MPZL3: variants seen among roughly 807,000 people sequenced by gnomAD.
The protein encoded by MPZL3 is myelin protein zero like 3, also known as myelin protein zero-like protein 3.
A neutral mutation model predicts 24.8 loss-of-function variants in MPZL3; 23 were observed. That is an observed-to-expected ratio of 0.93 (90% confidence interval 0.67 to 1.31). MPZL3 has a LOEUF of 1.31. Among genes scored for constraint, MPZL3 ranks in the 40% most tolerant of loss-of-function variants. MPZL3 has a pLI of 0.00. For synonymous variants in MPZL3, 99 were observed against 106.5 expected (o/e 0.93, Z 0.44); for missense variants, 277 against 294.9 (o/e 0.94, Z 0.44).
intron 2 of MPZL3, among the ~76,000 whole-genome samples, chr11:118,239,086 T>C (rs996821536): frequency 2.6e-5 from 4 of 152,216 alleles, no homozygotes; most frequent in African/African-American, 9.6e-5. Context: ...AGTTTGTTGA[T>C]TTTCTGACCA....
intron 1 of MPZL3, among the ~76,000 whole-genome samples, chr11:118,247,314 T>C (rs1306950543): frequency 6.6e-6 from 1 of 152,170 alleles, no homozygotes; most frequent in African/African-American, 2.4e-5. Flanking sequence ...GACTCAGATT[T>C]ACCTAAACCA....
chr11:118,230,016 G>T, intron 5 of MPZL3, 96 bp from the exon 6 acceptor site: 1 of 1,127,668 alleles, frequency 8.9e-7, no homozygotes, highest in Non-Finnish European at 1.3e-6. Flanking sequence ...AACCTGGCTT[G>T]GGGAGACAGC....
rs755299141 is a variant in MPZL3, at chr11:118,252,289, C to T, written c.6G>A (p.Gln2=). The stretch of plus-strand genomic sequence containing the variant: ...CACGGCTTCCAGCTGCTCCTCTCTG[C>T]TGCATCCCGGCAGCTCTTCAGATGC... The part of the protein sequence containing the change: M[Q]QRGAAGSRGC... Residue 2 remains glutamine (Q), a synonymous_variant, in exon 1 of 6, where the codon CAG becomes CAA. Coordinates refer to ENST00000278949, the MANE Select transcript of MPZL3 (RefSeq NM_198275.3). The T allele has an allele frequency of 1.1e-5, 18 of 1,613,870 alleles. No individual in the cohort carries two copies. In the Admixed American group the frequency reaches 2.8e-4, roughly 25 times the overall value.
At chr11:118,236,659 A>G (rs902981579) in intron 3 of MPZL3, among the ~76,000 whole-genome samples, 3 of 152,204 alleles carry the variant, frequency 2.0e-5, no homozygotes, top group Non-Finnish European at 2.9e-5. Flanking sequence ...TACCCTTTCA[A>G]GACACAGGCA....
chr11:118,236,058 A>G (rs933238045), intron 3 of MPZL3, among the ~76,000 whole-genome samples: 2 of 152,210 alleles, frequency 1.3e-5, no homozygotes, highest in Non-Finnish European at 1.5e-5. Context: ...TCACATTAGG[A>G]TAGCCAGGCT....
At chr11:118,235,349 G>A in intron 4 of MPZL3, 75 bp downstream of exon 4, 2 of 1,478,998 alleles carry the variant, frequency 1.4e-6, no homozygotes, top group Non-Finnish European at 1.8e-6. Context: ...AAGAAAGGAA[G>A]GTGTGGATGT....
At chr11:118,240,428 T>C (rs769173985) in intron 1 of MPZL3, 51 bp from the exon 2 acceptor site, 1 of 1,531,870 alleles carries the variant, frequency 6.5e-7, no homozygotes, top group Non-Finnish European at 8.8e-7. Context: ...GGGTGGAATA[T>C]ACAGATGTGA....
At position 118,237,244 on chromosome 11, in the gene MPZL3, G is replaced by C. The variant is rs767639634; in HGVS notation, c.257C>G (p.Ser86Cys). The C allele has an allele frequency of 1.2e-6, 2 of 1,613,880 alleles. No individual in the cohort carries two copies. Among genetic ancestry groups the C allele is most frequent in the African/African-American group, 2.7e-5 (2 of 74,896 alleles). Residue 86 changes from serine to cysteine, a missense_variant, in exon 3 of 6, where the codon TCT becomes TGT. By Grantham distance (112) the Ser-to-Cys change is moderately radical. Transcript: ENST00000278949. The part of the protein sequence containing the change: ...SHTVSIFHYQ[S>C]FQYPTTAGTF... ...GCCTGCTGTGGTTGGGTACTGGAAA[G>C]ACTGATAATGAAATATCTAAGAAAG...
chr11:118,247,510 G>C (rs1454339042), intron 1 of MPZL3, among the ~76,000 whole-genome samples: 1 of 152,164 alleles, frequency 6.6e-6, no homozygotes, highest in East Asian at 1.9e-4. Flanking sequence ...ATTGGCTTTT[G>C]AGAGCCAATC....
Position 118,229,927 on chromosome 11 carries a change from G to A in MPZL3, c.682-7C>T, listed in dbSNP as rs1228621373. The A allele has an allele frequency of 6.2e-7, 1 of 1,612,442 alleles. No individual in the cohort carries two copies. The highest frequency in any genetic ancestry group is 8.5e-7 in the Non-Finnish European group (1 of 1,179,254). On this transcript the variant is annotated splice_polypyrimidine_tract_variant and splice_region_variant and intron_variant, in intron 5 of 5. Transcript: ENST00000278949. ...TCTCTTCATAGTCTGAATCCTGGAG[G>A]GAGCAAAACAGCAGGTGTGAAACAC...
At position 118,227,844 on chromosome 11, in the gene MPZL3, C is replaced by A. The variant is rs1203997658; in HGVS notation, c.*2050G>T. The A allele has an allele frequency of 6.6e-6, 1 of 152,202 alleles. No individual in the cohort carries two copies. Among genetic ancestry groups the A allele is most frequent in the Non-Finnish European group, 1.5e-5 (1 of 68,026 alleles). The allele number at this position is 152,202 out of a possible 1,614,324, so 9.4% of individuals were successfully genotyped here. ...TTTCAGTGGGTTCCTGTAACACCAT[C>A]TCTTTCTTGGAGAAATGAGGACCTG... On this transcript the variant is annotated 3_prime_UTR_variant, in exon 6 of 6. Coordinates refer to ENST00000278949, the MANE Select transcript of MPZL3 (RefSeq NM_198275.3).
intron 3 of MPZL3, 71 bp downstream of exon 3, chr11:118,236,979 A>G: frequency 7.3e-7 from 1 of 1,369,658 alleles, no homozygotes; most frequent in South Asian, 1.2e-5. Flanking sequence ...TTTGTTTATC[A>G]TCGAGCTCTC....
chr11:118,233,616 G>A, intron 4 of MPZL3, 93 bp from the exon 5 acceptor site: 2 of 1,304,808 alleles, frequency 1.5e-6, no homozygotes, highest in Non-Finnish European at 1.1e-6. Flanking sequence ...GACAGGTCTG[G>A]TTTTAGATTC....
intron 1 of MPZL3, among the ~76,000 whole-genome samples, chr11:118,241,942 C>G (rs1174095843): frequency 6.6e-6 from 1 of 152,310 alleles, no homozygotes. Context: ...AATGCTGTCC[C>G]TCTGCTGGAA....
At chr11:118,249,955 C>T (rs942349306) in intron 1 of MPZL3, among the ~76,000 whole-genome samples, 2 of 151,974 alleles carry the variant, frequency 1.3e-5, no homozygotes, top group Non-Finnish European at 2.9e-5. Flanking sequence ...AAAAGCCAGT[C>T]ACCAAAAGCA....
rs558197226 is a variant in MPZL3 at position 118,233,401 on chromosome 11, C to T, written c.681+59G>A. ...CCTCTGAGGGCATAGGATGGATCCT[C>T]TTAGGTAAGCAGGAAAGTGGGACAT... On this transcript the variant is annotated intron_variant, in intron 5 of 5. Coordinates refer to ENST00000278949, the MANE Select transcript of MPZL3 (RefSeq NM_198275.3). 3.2e-5 allele frequency: 50 copies of T among 1,577,598 alleles called. No individual in the cohort carries two copies. The East Asian group carries it at 1.1e-3, about 35-fold the overall frequency.
intron 1 of MPZL3, among the ~76,000 whole-genome samples, chr11:118,251,229 A>T (rs770575629): frequency 1.1e-4 from 16 of 152,074 alleles, no homozygotes; most frequent in Non-Finnish European, 2.1e-4. Flanking sequence ...TGACACAGGC[A>T]GCTGGGAGGG....
At chr11:118,235,072 C>T (rs1949405155) in intron 4 of MPZL3, among the ~76,000 whole-genome samples, 1 of 152,150 alleles carries the variant, frequency 6.6e-6, no homozygotes, top group South Asian at 2.1e-4. Flanking sequence ...TGTCAGGAGA[C>T]ATCATCAGCT....
intron 2 of MPZL3, among the ~76,000 whole-genome samples, chr11:118,238,292 G>A (rs1949450929): frequency 6.6e-6 from 1 of 152,164 alleles, no homozygotes; most frequent in African/African-American, 2.4e-5. Context: ...CCTCTCTCAA[G>A]TTATCTATCT....
Sources: gnomAD v4.1 joint callset for allele counts (sites outside exome capture counted in the v4.1 genomes callset) on GRCh38, gnomAD v4.1.1 for gene constraint, MANE v1.5 for transcripts, NCBI Gene and HGNC (gene_info 2026-07-23, HGNC 2026-07-21) for gene names.